NUP93: variants seen among roughly 807,000 people sequenced by gnomAD.
NUP93 encodes the protein nuclear pore complex protein Nup93.
NUP93 carries 55 observed loss-of-function variants against 107.8 expected under a neutral mutation model. The observed-to-expected ratio is 0.51, with a 90% confidence interval of 0.41 to 0.64. The LOEUF (loss-of-function observed/expected upper bound fraction) is 0.64, where lower values mean the gene tolerates loss of function less well. Among genes scored for constraint, NUP93 ranks in the 30% least tolerant of loss-of-function variants. NUP93 has a pLI of 0.00. For missense variants in NUP93, 937 were observed against 1,044.7 expected, an observed-to-expected ratio of 0.90 and a Z score of 1.42; for synonymous variants, 390 against 397.5, an observed-to-expected ratio of 0.98 and a Z score of 0.22.
chr16:56,816,852 C>T (rs1448372572), intron 5 of NUP93, among the ~76,000 whole-genome samples: 1 of 152,112 alleles, frequency 6.6e-6, no homozygotes, highest in African/African-American at 2.4e-5. Context: ...CCGCAGACAC[C>T]AGCAATGCTA....
rs570242867 is a variant in NUP93, at chr16:56,838,838, T to G, written c.2019-114T>G. ...CCCCAGCCTCCCATGTAGCTGAGATTACAGGCATGAGCGACCACACCCCAC... is the reference window on the plus strand; with the variant it reads ...CCCCAGCCTCCCATGTAGCTGAGATGACAGGCATGAGCGACCACACCCCAC... On this transcript the variant is annotated intron_variant, in intron 18 of 21. Transcript: ENST00000308159. The G allele has an allele frequency of 6.9e-5, 52 of 753,424 alleles. No individual in the cohort carries two copies. The South Asian group carries it at 8.3e-4, about 12-fold the overall frequency. The allele number at this position is 753,424 out of a possible 1,614,324, so 46.7% of individuals were successfully genotyped here.
intron 3 of NUP93, chr16:56,782,046 CTT>C (rs1355828224): frequency 1.0e-6 from 1 of 985,062 alleles, no homozygotes; most frequent in Non-Finnish European, 1.2e-6. Context: ...CTCTTTTTCT[CTT>C]CTCTCTGTCC....
chr16:56,734,002 C>T (rs1471640835), intron 1 of NUP93, among the ~76,000 whole-genome samples: 1 of 152,186 alleles, frequency 6.6e-6, no homozygotes, highest in Non-Finnish European at 1.5e-5. Context: ...TCATTTAACA[C>T]ATATTTATTG....
intron 20 of NUP93, among the ~76,000 whole-genome samples, chr16:56,840,401 G>A (rs1032438220): frequency 1.3e-5 from 2 of 152,146 alleles, no homozygotes; most frequent in Non-Finnish European, 2.9e-5. Flanking sequence ...CTGTCTGTTG[G>A]GTTTCTAGCA....
chr16:56,791,057 A>C (rs1962751592), intron 3 of NUP93, among the ~76,000 whole-genome samples: 2 of 152,198 alleles, frequency 1.3e-5, no homozygotes, highest in African/African-American at 2.4e-5. Flanking sequence ...TATTAAAATG[A>C]GAGATGATAC....
chr16:56,796,886 C>T (rs572117367), intron 3 of NUP93, among the ~76,000 whole-genome samples: 6 of 152,038 alleles, frequency 3.9e-5, no homozygotes, highest in Non-Finnish European at 8.8e-5. Flanking sequence ...GCAGGATAAT[C>T]GCTTGAACCC....
At chr16:56,781,836 C>A (rs1051513690) in intron 3 of NUP93, 1 of 984,790 alleles carries the variant, frequency 1.0e-6, no homozygotes. Flanking sequence ...ACTGTTACTC[C>A]CATCAGTTTG....
In NUP93 at chr16:56,830,518, C is replaced by T. The variant is rs764579290; in HGVS notation, c.928-10C>T. The T allele has an allele frequency of 6.4e-7, 1 of 1,558,642 alleles. No homozygotes were observed. Among genetic ancestry groups the T allele is most frequent in the Admixed American group, 1.8e-5 (1 of 55,454 alleles). On this transcript the variant is annotated splice_polypyrimidine_tract_variant and intron_variant, in intron 9 of 21. Transcript: ENST00000308159. ...TGTTTATTTTGAGCACTTAACTGTT[C>T]CTCTTTTAGGATGGAGAGGTGGAAG...
At chr16:56,816,392 TC>T (rs1271924467) in intron 5 of NUP93, among the ~76,000 whole-genome samples, 1 of 152,208 alleles carries the variant, frequency 6.6e-6, no homozygotes, top group Non-Finnish European at 1.5e-5. Flanking sequence ...TACCAAGATG[TC>T]TGCAGGTGTG....
intron 1 of NUP93, among the ~76,000 whole-genome samples, chr16:56,740,116 G>A (rs1961695684): frequency 7.1e-6 from 1 of 141,104 alleles, no homozygotes; most frequent in South Asian, 2.4e-4. Flanking sequence ...GGCTGGCCAG[G>A]CGGGGGGCTG....
At chr16:56,781,215 T>A (rs1488095427) in intron 3 of NUP93, among the ~76,000 whole-genome samples, 1 of 152,194 alleles carries the variant, frequency 6.6e-6, no homozygotes, top group Non-Finnish European at 1.5e-5. Flanking sequence ...AGGTCTGCAT[T>A]TTCCTGTGTC....
At chr16:56,776,309 T>C (rs1167449055) in intron 3 of NUP93, among the ~76,000 whole-genome samples, 2 of 152,198 alleles carry the variant, frequency 1.3e-5, no homozygotes, top group African/African-American at 2.4e-5. Context: ...TATTTTGTAT[T>C]TTTCTTACCA....
chr16:56,848,193 G>A lies in NUP93; in HGVS notation c.*3584G>A, dbSNP rs937092195. The A allele has an allele frequency of 6.6e-6, 1 of 152,170 alleles. No homozygotes were observed. The highest frequency in any genetic ancestry group is 1.5e-5 in the Non-Finnish European group (1 of 68,050). 9.4% of individuals were successfully genotyped at this position (152,170 alleles called of 1,614,324 possible). ...CAGCATGCCACTCAGGAAGTGACTT[G>A]AGCATGCTGAATGCTGAGTCAGAAA... On this transcript the variant is annotated 3_prime_UTR_variant, in exon 22 of 22. Transcript: ENST00000308159.
intron 3 of NUP93, among the ~76,000 whole-genome samples, chr16:56,790,599 A>G (rs1388435054): frequency 6.6e-6 from 1 of 152,146 alleles, no homozygotes; most frequent in African/African-American, 2.4e-5. Context: ...TCTTTGTACT[A>G]ATTTTATCCA....
At chr16:56,742,154 TCATTTACAAAACAGA>T (rs1375830731) in intron 1 of NUP93, among the ~76,000 whole-genome samples, 1 of 152,248 alleles carries the variant, frequency 6.6e-6, no homozygotes, top group African/African-American at 2.4e-5. Flanking sequence ...ACAGGCATCA[TCATTTACAAAACAGA>T]TTTCTTCCCC....
Position 56,848,322 on chromosome 16 carries a change from TG to T in NUP93, c.*3714del, listed in dbSNP as rs1964138732. Reference sequence around the variant, plus strand: ...AGCCTCAGTCAGCTGGGAAAGGAATTGAGCCCTGTGTCAGCAAATTGGGAGA... The same window carrying T: ...AGCCTCAGTCAGCTGGGAAAGGAATTAGCCCTGTGTCAGCAAATTGGGAGA... On this transcript the variant is annotated 3_prime_UTR_variant, in exon 22 of 22. Coordinates refer to ENST00000308159, the MANE Select transcript of NUP93 (RefSeq NM_014669.5). The T allele has an allele frequency of 6.6e-6, 1 of 152,226 alleles. No individual in the cohort carries two copies. Among genetic ancestry groups the T allele is most frequent in the African/African-American group, 2.4e-5 (1 of 41,462 alleles). The allele number at this position is 152,226 out of a possible 1,614,324, so 9.4% of individuals were successfully genotyped here.
intron 4 of NUP93, among the ~76,000 whole-genome samples, chr16:56,798,795 G>A (rs868322613): frequency 1.3e-5 from 2 of 151,952 alleles, no homozygotes; most frequent in Non-Finnish European, 2.9e-5. Context: ...GAACCTGGGA[G>A]GTAGAGGCTT....
chr16:56,832,340 GA>G lies in NUP93; in HGVS notation c.1298del (p.Asp433AlafsTer23). On this transcript the variant is annotated frameshift_variant, in exon 12 of 22. Coordinates refer to ENST00000308159, the MANE Select transcript of NUP93 (RefSeq NM_014669.5). LOFTEE classifies it high-confidence loss of function. ...FDDDGTSSPQ[D>X]RLTLSQFQKQ... ...CGACGATGGCACCAGCTCCCCACAA[GA>G]CAGGCTCACTCTCTCACAGTTCCAG... is the stretch of plus-strand genomic sequence containing the variant. The G allele has an allele frequency of 6.2e-7, 1 of 1,614,192 alleles. No individual in the cohort carries two copies. Among genetic ancestry groups the G allele is most frequent in the Non-Finnish European group, 8.5e-7 (1 of 1,180,032 alleles).
chr16:56,827,720 A>AGT (rs1224929558), intron 8 of NUP93, among the ~76,000 whole-genome samples: 3 of 152,236 alleles, frequency 2.0e-5, no homozygotes, highest in Non-Finnish European at 4.4e-5. Flanking sequence ...ATAAAAGGTT[A>AGT]GTGTCCAGCT....
Sources: allele counts gnomAD v4.1 joint callset (sites outside exome capture counted in the v4.1 genomes callset), GRCh38; gene constraint gnomAD v4.1.1; transcripts MANE v1.5; gene names NCBI Gene and HGNC (gene_info 2026-07-23, HGNC 2026-07-21).